The following GEN1 variants were observed in gnomAD, a reference collection of about 807,000 sequenced individuals.
The protein encoded by GEN1 is GEN1 structure-specific endonuclease.
Under a neutral mutation model 67.6 loss-of-function variants are expected in GEN1, and 64 were observed. The observed-to-expected ratio is 0.95, with a 90% confidence interval of 0.77 to 1.17. The LOEUF (loss-of-function observed/expected upper bound fraction) is 1.17. Among genes scored for constraint, GEN1 ranks in the 50% most tolerant of loss-of-function variants. The pLI, the probability that GEN1 is intolerant of heterozygous loss-of-function variation, is 0.00. For missense variants in GEN1, 1,058 were observed against 1,048.3 expected (o/e 1.01, Z -0.13); for synonymous variants, 371 against 359.4 (o/e 1.03, Z -0.37).
At chr2:17,764,047 T>C (rs1671807322) in intron 3 of GEN1, among the ~76,000 whole-genome samples, 1 of 152,180 alleles carries the variant, frequency 6.6e-6, no homozygotes, top group Non-Finnish European at 1.5e-5. Flanking sequence ...CAAGAAAGAA[T>C]GAACTAGGCT....
chr2:17,766,009 A>G (rs1671914007), intron 4 of GEN1, among the ~76,000 whole-genome samples: 1 of 151,846 alleles, frequency 6.6e-6, no homozygotes, highest in South Asian at 2.1e-4. Context: ...TACATTTTTT[A>G]GACACCAGAA....
intron 11 of GEN1, among the ~76,000 whole-genome samples, chr2:17,777,506 C>G (rs1403083368): frequency 2.6e-5 from 4 of 152,046 alleles, no homozygotes; most frequent in Admixed American, 2.6e-4. Flanking sequence ...CTGGTGACAG[C>G]AAACAAAATA....
chr2:17,773,595 G>A (rs1342335653), intron 10 of GEN1, among the ~76,000 whole-genome samples: 2 of 152,158 alleles, frequency 1.3e-5, no homozygotes, highest in South Asian at 2.1e-4. Flanking sequence ...TTAAGATCAA[G>A]TATATAATTA....
intron 6 of GEN1, among the ~76,000 whole-genome samples, chr2:17,769,501 GTAAAGA>G (rs1409726153): frequency 6.6e-6 from 1 of 152,090 alleles, no homozygotes; most frequent in African/African-American, 2.4e-5. Context: ...TTACCAAAAG[GTAAAGA>G]TAAACATGAC....
Position 17,788,717 on chromosome 2 carries a change from AC to A in GEN1, c.*6781del, listed in dbSNP as rs1226122886. ...ATCATAAGTTAAATCTTCATCTACC[AC>A]CCAACTGATACCTGCCTTTCTGTGA... On this transcript the variant is annotated 3_prime_UTR_variant, in exon 14 of 14. Transcript: ENST00000381254. The A allele has an allele frequency of 6.6e-6, 1 of 152,104 alleles. No homozygotes were observed. Among genetic ancestry groups the A allele is most frequent in the Non-Finnish European group, 1.5e-5 (1 of 68,010 alleles). The allele number at this position is 152,104 out of a possible 1,614,324, so 9.4% of individuals were successfully genotyped here.
intron 2 of GEN1, 86 bp from the exon 3 acceptor site, chr2:17,761,310 C>CTA: frequency 1.4e-6 from 1 of 693,908 alleles, no homozygotes; most frequent in South Asian, 2.0e-5. Flanking sequence ...TGATACTAGT[C>CTA]TAATGTTCTT....
chr2:17,758,660 A>G (rs888029276), intron 1 of GEN1, among the ~76,000 whole-genome samples: 16 of 152,198 alleles, frequency 1.1e-4, no homozygotes, highest in Non-Finnish European at 1.5e-5. Flanking sequence ...CATAGATGTC[A>G]CTGTACACTT....
Position 17,781,675 on chromosome 2 carries a change from G to A in GEN1, c.2463G>A (p.Lys821=). 6.2e-7 allele frequency: 1 copy of A among 1,613,974 alleles called. No homozygotes were observed. The highest frequency in any genetic ancestry group is 1.1e-5 in the South Asian group (1 of 91,076). ...GKAKYTTQRM[K]HSSQKHNSSH... The stretch of plus-strand genomic sequence containing the variant: ...CTAAGTACACAACTCAAAGAATGAA[G>A]CACAGTTCTCAAAAGCATAATTCAT... Residue 821 remains lysine (K), a synonymous_variant, in exon 14 of 14, where the codon AAG becomes AAA. Transcript: ENST00000381254.
chr2:17,772,298 T>C (rs1252569377), intron 7 of GEN1, among the ~76,000 whole-genome samples: 1 of 152,100 alleles, frequency 6.6e-6, no homozygotes, highest in South Asian at 2.1e-4. Context: ...TACATCCTAC[T>C]TTTTATGCAT....
At chr2:17,769,740 T>C (rs958365480) in intron 6 of GEN1, among the ~76,000 whole-genome samples, 1 of 152,184 alleles carries the variant, frequency 6.6e-6, no homozygotes, top group Admixed American at 6.5e-5. Context: ...GTTAACAAAC[T>C]ATGCTATTTA....
intron 5 of GEN1, among the ~76,000 whole-genome samples, chr2:17,767,905 A>G (rs753349956): frequency 6.6e-6 from 1 of 152,254 alleles, no homozygotes; most frequent in Non-Finnish European, 1.5e-5. Flanking sequence ...AATAACGTGT[A>G]TGCCAAAGAC....
In GEN1 at chr2:17,782,140, C is replaced by A. The variant is rs1672872266; in HGVS notation, c.*201C>A. 4.5e-6 allele frequency: 2 copies of A among 443,876 alleles called. No homozygotes were observed. The highest frequency in any genetic ancestry group is 2.0e-5 in the African/African-American group (1 of 49,244). The allele number at this position is 443,876 out of a possible 1,614,324, so 27.5% of individuals were successfully genotyped here. ...AAAAGATCCTCTGTATTGAAAACTT[C>A]TGATAATGTATGTCATTATGTCCTT... On this transcript the variant is annotated 3_prime_UTR_variant, in exon 14 of 14. Coordinates refer to ENST00000381254, the MANE Select transcript of GEN1 (RefSeq NM_001130009.3).
intron 3 of GEN1, 45 bp downstream of exon 3, chr2:17,761,627 G>A (rs780171238): frequency 7.4e-6 from 10 of 1,349,002 alleles, no homozygotes; most frequent in Admixed American, 2.1e-5. Flanking sequence ...TGAATTAAAG[G>A]GTGCATTTTA....
intron 1 of GEN1, among the ~76,000 whole-genome samples, chr2:17,757,008 G>A (rs531004998): frequency 1.3e-5 from 2 of 152,228 alleles, no homozygotes; most frequent in African/African-American, 4.8e-5. Context: ...AGTTAATTGC[G>A]TTCTTAAAAT....
intron 3 of GEN1, among the ~76,000 whole-genome samples, chr2:17,764,321 A>G (rs1019569976): frequency 6.6e-6 from 1 of 152,220 alleles, no homozygotes; most frequent in Non-Finnish European, 1.5e-5. Context: ...AAGTACGCGT[A>G]TTGGGTTGAC....
intron 8 of GEN1, 92 bp downstream of exon 8, chr2:17,772,876 T>C (rs1271664758): frequency 8.5e-7 from 1 of 1,183,298 alleles, no homozygotes; most frequent in African/African-American, 1.6e-5. Flanking sequence ...TCCCCATATC[T>C]AGATTAGTCA....
rs768805768 is a variant in GEN1 at position 17,764,853 on chromosome 2, G to T, written c.349-44G>T. On this transcript the variant is annotated intron_variant, in intron 3 of 13. Coordinates refer to ENST00000381254, the MANE Select transcript of GEN1 (RefSeq NM_001130009.3). ...AGGTTTAATAGTAAATAAATGAGCA[G>T]TGAAAACATTCTTTAACATCTTGCA... 3 of 1,556,948 alleles carry T rather than the reference G, an allele frequency of 1.9e-6. No individual in the cohort carries two copies. In the South Asian group the frequency reaches 3.5e-5, roughly 18 times the overall value.
At position 17,764,970 on chromosome 2, in the gene GEN1, A is replaced by G. The variant is rs1671855850; in HGVS notation, c.422A>G (p.Tyr141Cys). Residue 141 changes from tyrosine to cysteine, a missense_variant, in exon 4 of 14, where the codon TAT (tyrosine) becomes TGT (cysteine). Transcript: ENST00000381254. ...AAGEAEAMCA[Y>C]LNAGGHVDGC... is the part of the protein sequence containing the mutation. ...GGGGAAGCTGAAGCCATGTGTGCTT[A>G]TCTCAATGCTGGTGGTCATGTCGAT... 1 of 1,614,058 alleles carries G rather than the reference A, an allele frequency of 6.2e-7. No homozygotes were observed. The highest frequency in any genetic ancestry group is 1.3e-5 in the African/African-American group (1 of 74,928).
chr2:17,772,190 C>G (rs996950242), intron 7 of GEN1, among the ~76,000 whole-genome samples: 21 of 151,996 alleles, frequency 1.4e-4, no homozygotes, highest in African/African-American at 5.1e-4. Context: ...TAGACACTAG[C>G]AGAGGTAATT....
Sources: gnomAD v4.1 joint callset for allele counts (sites outside exome capture counted in the v4.1 genomes callset) on GRCh38, gnomAD v4.1.1 for gene constraint, MANE v1.5 for transcripts, NCBI Gene and HGNC (gene_info 2026-07-23, HGNC 2026-07-21) for gene names.